The following NRG4 variants were observed in gnomAD, a reference collection of about 807,000 sequenced individuals.
NRG4 encodes neuregulin 4, also known as pro-neuregulin-4, membrane-bound isoform.
NRG4 carries 10 observed loss-of-function variants against 15.0 expected under a neutral mutation model. The observed-to-expected ratio is 0.67, with a 90% CI of 0.41 to 1.13. NRG4 has a LOEUF of 1.13. Ranked by LOEUF, NRG4 falls within the 50% of genes most tolerant of loss-of-function variation. NRG4 has a pLI of 0.00. For missense variants in NRG4, 139 were observed against 140.2 expected (o/e 0.99, Z 0.04); for synonymous variants, 41 against 50.1 (o/e 0.82, Z 0.77).
rs780414439 is a variant in NRG4, at chr15:75,941,940, C to CAAAAAAA, written c.*1691_*1697dup. 3 of 24,858 alleles carry CAAAAAAA rather than the reference C, an allele frequency of 1.2e-4. No individual in the cohort carries two copies. Among genetic ancestry groups the CAAAAAAA allele is most frequent in the East Asian group, 1.4e-3 (1 of 700 alleles). The allele number at this position is 24,858 out of a possible 1,614,324, so 1.5% of individuals were successfully genotyped here. A position where few individuals can be genotyped will look rare whatever the true frequency, so the allele number is the denominator to read the frequency against. On this transcript the variant is annotated 3_prime_UTR_variant, in exon 6 of 6. Coordinates refer to ENST00000394907, the MANE Select transcript of NRG4 (RefSeq NM_138573.4). Reference sequence around the variant, plus strand: ...TTGCCACAGTAAATTTTTAAACCACCAAAAAAAAAAAAAAAAAAAAATATG... The same window carrying CAAAAAAA: ...TTGCCACAGTAAATTTTTAAACCACCAAAAAAAAAAAAAAAAAAAAAAAAAAAATATG...
chr15:76,028,266 AC>A (rs2035368928), intron 5 of NRG4, among the ~76,000 whole-genome samples: 1 of 152,072 alleles, frequency 6.6e-6, no homozygotes, highest in Non-Finnish European at 1.5e-5. Context: ...CAGTAGCTAA[AC>A]TAAGAAAAAA....
intron 2 of NRG4, chr15:76,053,014 C>T (rs1447527125): frequency 4.0e-5 from 6 of 150,778 alleles, no homozygotes; most frequent in Non-Finnish European, 5.9e-5. Context: ...AAATTTTCTC[C>T]TTTATGTGAA....
chr15:75,948,305 CTTTATTTATTTA>C (rs142980207), intron 5 of NRG4, among the ~76,000 whole-genome samples: 4,279 of 144,504 alleles, frequency 0.03, 82 homozygotes, highest in Middle Eastern at 0.067. Context: ...CTTTGATCCA[CTTTATTTATTTA>C]TTTATTTATT....
rs991131409 is a variant in NRG4 at position 76,009,358 on chromosome 15, T to C, written c.11-65A>G. 21 of 689,200 alleles carry C rather than the reference T, an allele frequency of 3.0e-5. No homozygotes were observed. The East Asian group carries it at 5.5e-4, about 18-fold the overall frequency. 42.7% of individuals were successfully genotyped at this position (689,200 alleles called of 1,614,324 possible). On this transcript the variant is annotated intron_variant, in intron 2 of 5. Coordinates refer to ENST00000394907, the MANE Select transcript of NRG4 (RefSeq NM_138573.4). ...AAAGTTTTCCTAATGCAACAAGGAA[T>C]AGGAATAACTATCTTAAACTGAAGT... is the stretch of plus-strand genomic sequence containing the variant.
intron 3 of NRG4, among the ~76,000 whole-genome samples, chr15:76,005,383 T>TAAAA (rs71140191): frequency 8.3e-6 from 1 of 120,988 alleles, no homozygotes; most frequent in Non-Finnish European, 1.7e-5. Flanking sequence ...CTCCGTCTCT[T>TAAAA]AAAAAAAAAA....
rs1488704009 is a variant in NRG4 at position 75,960,406 on chromosome 15, A to G, written c.251+1422T>C. On this transcript the variant is annotated intron_variant, in intron 4 of 5. Coordinates refer to ENST00000394907, the MANE Select transcript of NRG4 (RefSeq NM_138573.4). ...CACCCCAAACTTGGGGGATAAAAAAACTTTATCTCATGATTCTGTGGGTTG... is the reference window on the plus strand; with the variant it reads ...CACCCCAAACTTGGGGGATAAAAAAGCTTTATCTCATGATTCTGTGGGTTG... Among the ~76,000 whole-genome samples, 3 of 152,198 alleles carry G rather than the reference A, an allele frequency of 2.0e-5. No individual in the cohort carries two copies. The South Asian group carries it at 6.2e-4, about 32-fold the overall frequency.
chr15:76,052,091 T>C (rs1287946959), exon 4 of NRG4: 1 of 151,078 alleles, frequency 6.6e-6, no homozygotes, highest in Non-Finnish European at 1.5e-5. Flanking sequence ...GATGAAAATT[T>C]TTCCTCTAAA....
intron 4 of NRG4, among the ~76,000 whole-genome samples, chr15:75,957,042 AAAT>A (rs568594111): frequency 1.1e-3 from 164 of 152,248 alleles, no homozygotes; most frequent in Non-Finnish European, 1.8e-3. Context: ...ACTCATCTTA[AAAT>A]ATCAAGGTCA....
At chr15:76,020,185 C>T (rs1400810459) in intron 5 of NRG4, among the ~76,000 whole-genome samples, 1 of 152,096 alleles carries the variant, frequency 6.6e-6, no homozygotes, top group Non-Finnish European at 1.5e-5. Flanking sequence ...CCGACCGTTC[C>T]CCTATCTCCT....
chr15:76,034,260 C>T (rs1365729707), intron 5 of NRG4, among the ~76,000 whole-genome samples: 1 of 152,204 alleles, frequency 6.6e-6, no homozygotes, highest in Admixed American at 6.5e-5. Flanking sequence ...AGAGTAACCC[C>T]ATTAAAATTC....
At position 76,039,473 on chromosome 15, in the gene NRG4, A is replaced by C. The variant is rs114178770; in HGVS notation, c.-104-3482T>G. Among the ~76,000 whole-genome samples, 1,163 of 152,326 alleles carry C rather than the reference A, an allele frequency of 7.6e-3. 20 individuals are homozygous for C. The highest frequency in any genetic ancestry group is 0.026 in the African/African-American group (1,071 of 41,564). The stretch of plus-strand genomic sequence containing the variant: ...TCTGAAGGTGAAAAATGCAATTGAC[A>C]TATTGAATAATGCATCAGAGACTGT... On this transcript the variant is annotated intron_variant, in intron 4 of 8. Transcript: ENST00000563910.
intron 5 of NRG4, among the ~76,000 whole-genome samples, chr15:76,028,691 G>A (rs1053672112): frequency 2.6e-5 from 4 of 151,892 alleles, no homozygotes; most frequent in Admixed American, 2.0e-4. Context: ...CTTAAGGCCA[G>A]GAGTTTGAGA....
intron 5 of NRG4, among the ~76,000 whole-genome samples, chr15:75,948,361 G>A (rs543656645): frequency 3.3e-5 from 5 of 151,288 alleles, no homozygotes; most frequent in African/African-American, 7.3e-5. Context: ...ATGGAATCTC[G>A]TGATCTCGGC....
At chr15:75,991,519 C>T (rs897752986) in intron 3 of NRG4, among the ~76,000 whole-genome samples, 4 of 151,978 alleles carry the variant, frequency 2.6e-5, no homozygotes, top group Non-Finnish European at 4.4e-5. Context: ...GTGAACATAA[C>T]GTGTACATTT....
intron 3 of NRG4, among the ~76,000 whole-genome samples, chr15:75,973,352 C>A (rs940428446): frequency 6.6e-6 from 1 of 152,158 alleles, no homozygotes; most frequent in Non-Finnish European, 1.5e-5. Flanking sequence ...TTTGAATACC[C>A]TTTATTTCTT....
intron 5 of NRG4, among the ~76,000 whole-genome samples, chr15:75,949,041 C>T (rs2031714452): frequency 6.6e-6 from 1 of 152,112 alleles, no homozygotes; most frequent in African/African-American, 2.4e-5. Context: ...GGCAACAGAG[C>T]GAGACCCTGT....
chr15:76,058,648 A>G (rs2036215276), intron 1 of NRG4, among the ~76,000 whole-genome samples: 1 of 152,246 alleles, frequency 6.6e-6, no homozygotes, highest in Admixed American at 6.5e-5. Context: ...TAGAAGAGGT[A>G]CAAGAATCAG....
intron 2 of NRG4, 127 bp from the exon 3 acceptor site, chr15:76,009,420 T>C (rs2034726542): frequency 1.8e-6 from 1 of 543,234 alleles, no homozygotes; most frequent in East Asian, 3.2e-5. Context: ...ATTTTTTTTC[T>C]CAAAATGAAA....
chr15:75,944,452 T>C (rs969999770), intron 5 of NRG4, among the ~76,000 whole-genome samples: 3 of 152,156 alleles, frequency 2.0e-5, no homozygotes, highest in Non-Finnish European at 4.4e-5. Flanking sequence ...GACTTCAGGC[T>C]GTGGATTTAT....
Sources: allele counts gnomAD v4.1 joint callset (sites outside exome capture counted in the v4.1 genomes callset), GRCh38; gene constraint gnomAD v4.1.1; transcripts MANE v1.5; gene names NCBI Gene and HGNC (gene_info 2026-07-23, HGNC 2026-07-21).